DCLK2: variants seen among roughly 807,000 people sequenced by gnomAD.
The protein encoded by DCLK2 is serine/threonine-protein kinase DCLK2.
A neutral mutation model predicts 78.4 loss-of-function variants in DCLK2; 31 were observed. That is an observed-to-expected ratio of 0.40 (90% CI 0.30 to 0.53). DCLK2 has a LOEUF of 0.53. Among genes scored for constraint, DCLK2 ranks in the 20% least tolerant of loss-of-function variants. DCLK2 has a pLI of 0.61. For missense variants in DCLK2, 872 were observed against 973.7 expected (o/e 0.90, Z 1.39); for synonymous variants, 407 against 374.9 (o/e 1.09, Z -0.99).
intron 7 of DCLK2, among the ~76,000 whole-genome samples, chr4:150,222,859 G>C (rs1300837730): frequency 1.3e-5 from 2 of 148,580 alleles, no homozygotes; most frequent in African/African-American, 5.0e-5. Context: ...GACCAAGACT[G>C]TGTCTCAAAA....
At chr4:150,225,288 C>A (rs1464566891) in intron 8 of DCLK2, among the ~76,000 whole-genome samples, 2 of 152,218 alleles carry the variant, frequency 1.3e-5, no homozygotes, top group Non-Finnish European at 2.9e-5. Flanking sequence ...GCTGATGCAT[C>A]ATGAGCAGAA....
At chr4:150,143,382 G>A (rs1284059059) in intron 2 of DCLK2, among the ~76,000 whole-genome samples, 1 of 152,168 alleles carries the variant, frequency 6.6e-6, no homozygotes, top group Non-Finnish European at 1.5e-5. Context: ...GGTGGCTCAT[G>A]CCTGTGATCT....
chr4:150,106,388 G>A (rs1477001311), intron 2 of DCLK2, among the ~76,000 whole-genome samples: 2 of 152,150 alleles, frequency 1.3e-5, no homozygotes, highest in African/African-American at 4.8e-5. Flanking sequence ...AGGCCAAGAA[G>A]CAATTCTACA....
chr4:150,132,094 C>T lies in DCLK2; in HGVS notation c.756+29282C>T, dbSNP rs554227823. On this transcript the variant is annotated intron_variant, in intron 2 of 15. Transcript: ENST00000296550. ...TGTGCTCTCTTGAGGTCTTGTGAGG[C>T]ATAGAAGGGCTGCCTTGCCTTTTGC... is the stretch of plus-strand genomic sequence containing the variant. Among the ~76,000 whole-genome samples the T allele has an allele frequency of 3.1e-4, 47 of 152,280 alleles. 1 individual carries two copies. The South Asian group carries it at 9.5e-3, about 31-fold the overall frequency.
At chr4:150,137,522 C>T (rs1272218936) in intron 2 of DCLK2, among the ~76,000 whole-genome samples, 1 of 152,124 alleles carries the variant, frequency 6.6e-6, no homozygotes, top group Non-Finnish European at 1.5e-5. Context: ...AGTGCAATCT[C>T]TCATAGAAGC....
At chr4:150,216,789 T>A (rs1188562442) in intron 5 of DCLK2, among the ~76,000 whole-genome samples, 1 of 152,166 alleles carries the variant, frequency 6.6e-6, no homozygotes, top group Non-Finnish European at 1.5e-5. Flanking sequence ...TTCACGGTTC[T>A]CTTCTGTCAC....
At position 150,240,389 on chromosome 4, in the gene DCLK2, G is replaced by A; in HGVS notation, c.1701-10G>A. ...CAGTTCTCTCCCCCTCACCCACTTTGTTTTCCTAGCTATGGCCTGAAGGTG... is the reference window on the plus strand; with the variant it reads ...CAGTTCTCTCCCCCTCACCCACTTTATTTTCCTAGCTATGGCCTGAAGGTG... On this transcript the variant is annotated splice_polypyrimidine_tract_variant and intron_variant, in intron 11 of 15. Coordinates refer to ENST00000296550, the MANE Select transcript of DCLK2 (RefSeq NM_001040260.4). The A allele has an allele frequency of 1.2e-6, 2 of 1,613,514 alleles. No homozygotes were observed. The highest frequency in any genetic ancestry group is 1.7e-6 in the Non-Finnish European group (2 of 1,179,620).
intron 1 of DCLK2, 100 bp from the exon 2 acceptor site, chr4:150,102,378 G>T (rs1273391068): frequency 1.8e-6 from 2 of 1,130,904 alleles, no homozygotes; most frequent in East Asian, 4.9e-5. Context: ...ACCCACTAAG[G>T]TTAAGGGTTC....
intron 2 of DCLK2, among the ~76,000 whole-genome samples, chr4:150,125,538 A>T (rs77627080): frequency 0.07 from 10,679 of 152,238 alleles, 448 homozygotes; most frequent in South Asian, 0.1. Context: ...GGGAAAACTG[A>T]ATTCAAAATT....
At chr4:150,178,583 A>T (rs1486011167) in intron 2 of DCLK2, among the ~76,000 whole-genome samples, 1 of 152,148 alleles carries the variant, frequency 6.6e-6, no homozygotes, top group East Asian at 1.9e-4. Context: ...TGGTTTGAAA[A>T]TGAAAATTTA....
intron 1 of DCLK2, among the ~76,000 whole-genome samples, chr4:150,082,142 G>T (rs1263047236): frequency 6.6e-6 from 1 of 152,132 alleles, no homozygotes; most frequent in Non-Finnish European, 1.5e-5. Context: ...AGCTATCTGT[G>T]AAGTTATTTG....
chr4:150,175,608 A>G (rs934051619), intron 2 of DCLK2: 42 of 152,146 alleles, frequency 2.8e-4, no homozygotes, highest in African/African-American at 9.9e-4. Context: ...CTTGTTGTCA[A>G]CCGGTGGAGG....
At chr4:150,150,703 GT>G (rs1431105571) in intron 2 of DCLK2, among the ~76,000 whole-genome samples, 1 of 152,162 alleles carries the variant, frequency 6.6e-6, no homozygotes, top group African/African-American at 2.4e-5. Context: ...GTTCAAACCT[GT>G]TTTCTCCCAT....
At chr4:150,173,745 T>C (rs989026314) in intron 2 of DCLK2, among the ~76,000 whole-genome samples, 3 of 152,040 alleles carry the variant, frequency 2.0e-5, no homozygotes, top group East Asian at 3.9e-4. Context: ...GACACTTGCA[T>C]TGGGGGAAAC....
At chr4:150,109,327 G>A (rs1482756706) in intron 2 of DCLK2, among the ~76,000 whole-genome samples, 2 of 148,656 alleles carry the variant, frequency 1.3e-5, no homozygotes, top group Non-Finnish European at 3.0e-5. Context: ...CCCAATGCAT[G>A]CATTTCCCTT....
At chr4:150,246,211 A>T (rs553731449) in intron 12 of DCLK2, among the ~76,000 whole-genome samples, 4 of 151,878 alleles carry the variant, frequency 2.6e-5, no homozygotes, top group Non-Finnish European at 5.9e-5. Flanking sequence ...TGCCTGGCTG[A>T]TTTTTTTGTA....
intron 1 of DCLK2, among the ~76,000 whole-genome samples, chr4:150,093,907 A>G (rs1291144755): frequency 6.6e-6 from 1 of 152,246 alleles, no homozygotes; most frequent in Non-Finnish European, 1.5e-5. Flanking sequence ...AATAAACTCA[A>G]ATATGTATGG....
chr4:150,220,593 G>T, intron 5 of DCLK2, 110 bp from the exon 6 acceptor site: 1 of 816,198 alleles, frequency 1.2e-6, no homozygotes, highest in South Asian at 1.7e-5. Context: ...ACGCCTCCTC[G>T]GTTTCTGTGA....
chr4:150,113,812 C>G (rs1194465882), intron 2 of DCLK2, among the ~76,000 whole-genome samples: 1 of 148,364 alleles, frequency 6.7e-6, no homozygotes, highest in African/African-American at 2.5e-5. Flanking sequence ...GTTCTTATTT[C>G]TCTAGTTCCT....
Sources: gnomAD v4.1 joint callset for allele counts (sites outside exome capture counted in the v4.1 genomes callset) on GRCh38, gnomAD v4.1.1 for gene constraint, MANE v1.5 for transcripts, NCBI Gene and HGNC (gene_info 2026-07-23, HGNC 2026-07-21) for gene names.